Variants in PPFIA4 observed in about 807,000 individuals in gnomAD.
PPFIA4 encodes the protein PPFI scaffold protein A4.
PPFIA4 carries 98 observed loss-of-function variants against 145.7 expected under a neutral mutation model. That is an observed-to-expected ratio of 0.67 (90% CI 0.57 to 0.80). PPFIA4 has a LOEUF of 0.80. Among genes scored for constraint, PPFIA4 ranks in the 30% least tolerant of loss-of-function variants. The pLI is 0.00. For missense variants in PPFIA4, 1,457 were observed against 1,632.7 expected, an observed-to-expected ratio of 0.89 and a Z score of 1.85; for synonymous variants, 628 against 649.6, an observed-to-expected ratio of 0.97 and a Z score of 0.51.
chr1:203,040,994 G>A (rs1659660762), intron 2 of PPFIA4, among the ~76,000 whole-genome samples: 1 of 152,200 alleles, frequency 6.6e-6, no homozygotes, highest in South Asian at 2.1e-4. Context: ...GTTGAATGAT[G>A]GACTCCCAAG....
Position 203,044,765 on chromosome 1 carries a change from G to T in PPFIA4, c.646G>T (p.Gly216Trp). 2 of 1,564,652 alleles carry T rather than the reference G, an allele frequency of 1.3e-6. No homozygotes were observed. The highest frequency in any genetic ancestry group is 1.7e-6 in the Non-Finnish European group (2 of 1,154,760). ...AAEEEGTVEL[G>W]PKRLWKEDTG... The stretch of plus-strand genomic sequence containing the variant: ...AGAAGAGGAGGGGACTGTGGAGCTG[G>T]GGCCGAAACGCCTGTGGAAGGTAGG... The change falls in exon 6 of 30, where the codon GGG (glycine) becomes TGG (tryptophan). Residue 216 changes from glycine (G) to tryptophan (W), a missense_variant. Physicochemically the swap from Gly to Trp is radical, Grantham distance 184. Coordinates refer to ENST00000295706, the MANE Select transcript of PPFIA4 (RefSeq NM_001304331.2).
At chr1:203,028,655 G>A (rs1489411910) in intron 1 of PPFIA4, among the ~76,000 whole-genome samples, 1 of 152,054 alleles carries the variant, frequency 6.6e-6, no homozygotes, top group African/African-American at 2.4e-5. Flanking sequence ...GTGTGTGTGT[G>A]CACACGCGTG....
intron 12 of PPFIA4, 117 bp from the exon 13 acceptor site, chr1:203,049,559 C>T (rs1246635506): frequency 6.6e-6 from 6 of 911,562 alleles, no homozygotes; most frequent in Admixed American, 3.5e-5. Context: ...CTTTGCAGTA[C>T]ATTCTTCAGC....
Position 203,049,686 on chromosome 1 carries a change from C to T in PPFIA4, c.1430C>T (p.Ser477Phe). 3.3e-6 allele frequency: 5 copies of T among 1,500,254 alleles called. No individual in the cohort carries two copies. Among genetic ancestry groups the T allele is most frequent in the Non-Finnish European group, 4.5e-6 (5 of 1,116,728 alleles). The allele number at this position is 1,500,254 out of a possible 1,614,324, so 92.9% of individuals were successfully genotyped here. ...EEQHHHKGRL[S>F]EEIEKLRQEV... is the part of the protein sequence containing the mutation. ...GGTCTGCTGGCACAGGGCCGCCTGT[C>T]TGAAGAGATTGAGAAGCTGCGCCAA... The change falls in exon 13 of 30, where the codon TCT (serine) becomes TTT (phenylalanine). Residue 477 changes from serine to phenylalanine, a missense_variant. Ser to Phe is a radical substitution (Grantham distance 155, BLOSUM62 -2). This residue lies in a region of PPFIA4 where 848 missense variants were observed against 1,046.7 expected (regional missense o/e 0.81). Coordinates refer to ENST00000295706, the MANE Select transcript of PPFIA4 (RefSeq NM_001304331.2).
At chr1:203,057,073 G>T in intron 19 of PPFIA4, 123 bp downstream of exon 19, 1 of 1,526,666 alleles carries the variant, frequency 6.6e-7, no homozygotes, top group Non-Finnish European at 8.8e-7. Flanking sequence ...CCCCAGGCAG[G>T]TTACCTCAGA....
At chr1:203,052,454 C>T (rs1445217621) in intron 14 of PPFIA4, among the ~76,000 whole-genome samples, 4 of 152,028 alleles carry the variant, frequency 2.6e-5, no homozygotes, top group Admixed American at 2.6e-4. Flanking sequence ...GAATCCAGGT[C>T]CTCTAAATAT....
chr1:203,060,276 T>C lies in PPFIA4; in HGVS notation c.2643T>C (p.Gly881=). Residue 881 remains glycine (G), a synonymous_variant, in exon 22 of 30, where the codon GGT becomes GGC. Coordinates refer to ENST00000295706, the MANE Select transcript of PPFIA4 (RefSeq NM_001304331.2). This position sits in a 1 kb window ranked among gnomAD's most constrained non-coding sequence, Gnocchi z 4.8. Reference sequence around the variant, plus strand: ...CCTGCCGGGCCAACGTCAAGAGTGGTGCCATCATGTCCGCTCTGTCGGACA... The same window carrying C: ...CCTGCCGGGCCAACGTCAAGAGTGGCGCCATCATGTCCGCTCTGTCGGACA... ...VAACRANVKS[G]AIMSALSDTE... 6.2e-7 allele frequency: 1 copy of C among 1,614,046 alleles called. No individual in the cohort carries two copies. The highest frequency in any genetic ancestry group is 1.7e-5 in the Admixed American group (1 of 60,022).
Position 203,043,972 on chromosome 1 carries a change from A to G in PPFIA4, c.378A>G (p.Glu126=), listed in dbSNP as rs1659882329. The stretch of plus-strand genomic sequence containing the variant: ...TGGAGTGCCTGGTGTCCCGCCATGA[A>G]CGGTCACTGCGGATGACTGTGGTGA... ...EHLECLVSRH[E]RSLRMTVVKR... The change falls in exon 4 of 30, where the codon GAA becomes GAG. Residue 126 remains glutamate, a synonymous_variant. Coordinates refer to ENST00000295706, the MANE Select transcript of PPFIA4 (RefSeq NM_001304331.2). This position sits in a 1 kb window ranked among gnomAD's most constrained non-coding sequence, Gnocchi z 4.4. The G allele has an allele frequency of 6.2e-7, 1 of 1,611,656 alleles. No individual in the cohort carries two copies. Among genetic ancestry groups the G allele is most frequent in the Non-Finnish European group, 8.5e-7 (1 of 1,179,252 alleles).
At chr1:203,035,201 CT>C in intron 1 of PPFIA4, 4 of 433,510 alleles carry the variant, frequency 9.2e-6, no homozygotes, top group Non-Finnish European at 9.4e-6. Flanking sequence ...TGGAGGCTCC[CT>C]TTTTGCCCAG....
In PPFIA4 at chr1:203,075,875, T is replaced by C. The variant is rs929143178; in HGVS notation, c.3574+118T>C. 6.6e-6 allele frequency: 7 copies of C among 1,057,972 alleles called. No homozygotes were observed. The highest frequency in any genetic ancestry group is 8.9e-6 in the Non-Finnish European group (7 of 790,274). The allele number at this position is 1,057,972 out of a possible 1,614,324, so 65.5% of individuals were successfully genotyped here. On this transcript the variant is annotated intron_variant, in intron 29 of 29. Transcript: ENST00000295706. The surrounding 1 kb of genome is among the most constrained non-coding windows in gnomAD (Gnocchi z 4.1). ...GGCCGAGGCTGGTGCCCCGCGCTCCTGCGCTGCAGCTGCACTAACGCTCCG... is the reference window on the plus strand; with the variant it reads ...GGCCGAGGCTGGTGCCCCGCGCTCCCGCGCTGCAGCTGCACTAACGCTCCG...
At chr1:203,030,065 T>G (rs1269768882) in intron 1 of PPFIA4, among the ~76,000 whole-genome samples, 1 of 152,240 alleles carries the variant, frequency 6.6e-6, no homozygotes, top group Non-Finnish European at 1.5e-5. Flanking sequence ...TGTCTTCAGA[T>G]AGATAACTGT....
chr1:203,067,553 A>C, intron 25 of PPFIA4, 142 bp from the exon 26 acceptor site: 1 of 678,556 alleles, frequency 1.5e-6, no homozygotes, highest in Non-Finnish European at 2.6e-6. Flanking sequence ...GCCCTGGGGA[A>C]GGAGGAGCAT....
chr1:203,061,057 C>T lies in PPFIA4; in HGVS notation c.2847+25C>T, dbSNP rs200871030. The T allele has an allele frequency of 1.9e-6, 3 of 1,611,460 alleles. No individual in the cohort carries two copies. In the African/African-American group the frequency reaches 4.0e-5, roughly 21 times the overall value. On this transcript the variant is annotated intron_variant, in intron 23 of 29. Transcript: ENST00000295706. ...AGTGAGTCTGGCCCTTGGCCTTTGT[C>T]CCTGGGCCTGGGGTTGGGACTGATA...
chr1:203,067,592 AGG>A, intron 25 of PPFIA4, 101 bp from the exon 26 acceptor site: 1 of 949,082 alleles, frequency 1.1e-6, no homozygotes, highest in Non-Finnish European at 1.7e-6. Flanking sequence ...TTTGTGCTGG[AGG>A]CAGTAGGTCT....
At position 203,055,234 on chromosome 1, in the gene PPFIA4, C is replaced by T. The variant is rs1660838545; in HGVS notation, c.1830-198C>T. ...CTGACGAAAGTGCCTCCTTCCCCAGCAGCTGCTTTTGTTAAACGGAGGGAG... is the reference window on the plus strand; with the variant it reads ...CTGACGAAAGTGCCTCCTTCCCCAGTAGCTGCTTTTGTTAAACGGAGGGAG... On this transcript the variant is annotated intron_variant, in intron 15 of 29. Coordinates refer to ENST00000295706, the MANE Select transcript of PPFIA4 (RefSeq NM_001304331.2). The surrounding 1 kb of genome is among the most constrained non-coding windows in gnomAD (Gnocchi z 4.8). Among the ~76,000 whole-genome samples, 1 of 152,218 alleles carries T rather than the reference C, an allele frequency of 6.6e-6. No individual in the cohort carries two copies. The highest frequency in any genetic ancestry group is 1.5e-5 in the Non-Finnish European group (1 of 68,038).
At chr1:203,064,951 C>T (rs982653669) in intron 25 of PPFIA4, among the ~76,000 whole-genome samples, 1 of 152,218 alleles carries the variant, frequency 6.6e-6, no homozygotes, top group African/African-American at 2.4e-5. Flanking sequence ...GTGTGGGTGG[C>T]TCTTTGAGCC....
intron 19 of PPFIA4, among the ~76,000 whole-genome samples, chr1:203,057,860 G>T (rs909220666): frequency 6.6e-6 from 1 of 152,160 alleles, no homozygotes; most frequent in Admixed American, 6.5e-5. Flanking sequence ...GGAATTAGCC[G>T]AGCCAGGGAG....
rs1022175310 is a variant in PPFIA4 at position 203,048,169 on chromosome 1, G to T, written c.1141-58G>T. 3.9e-6 allele frequency: 6 copies of T among 1,554,260 alleles called. No individual in the cohort carries two copies. Among genetic ancestry groups the T allele is most frequent in the Non-Finnish European group, 3.5e-6 (4 of 1,132,446 alleles). Reference sequence around the variant, plus strand: ...CTGGCACCAGGGTGCAGGGGATGCGGGGCCTGAGCAGGAAGAACAGAGATC... The same window carrying T: ...CTGGCACCAGGGTGCAGGGGATGCGTGGCCTGAGCAGGAAGAACAGAGATC... On this transcript the variant is annotated intron_variant, in intron 9 of 29. Transcript: ENST00000295706. This position sits in a 1 kb window ranked among gnomAD's most constrained non-coding sequence, Gnocchi z 5.8.
chr1:203,072,824 G>C (rs1256398847), intron 28 of PPFIA4, among the ~76,000 whole-genome samples: 1 of 152,150 alleles, frequency 6.6e-6, no homozygotes, highest in Non-Finnish European at 1.5e-5. Flanking sequence ...TGGGAGAAAA[G>C]AATAGACTTA....
Sources: allele counts gnomAD v4.1 joint callset (sites outside exome capture counted in the v4.1 genomes callset), GRCh38; gene constraint gnomAD v4.1.1; regional missense constraint gnomAD v4.1.1; non-coding constraint Gnocchi (gnomAD v3.1); transcripts MANE v1.5; gene names NCBI Gene and HGNC (gene_info 2026-07-23, HGNC 2026-07-21).